The following DLGAP2 variants were observed in gnomAD, a reference collection of about 807,000 sequenced individuals.
The protein encoded by DLGAP2 is DLG associated protein 2, also known as disks large-associated protein 2.
DLGAP2 carries 26 observed loss-of-function variants against 100.3 expected under a neutral mutation model. The observed-to-expected ratio is 0.26, with a 90% CI of 0.19 to 0.36. The LOEUF is 0.36. DLGAP2 is among the 10% of genes least tolerant of loss of function. The pLI is 1.00. For synonymous variants in DLGAP2, 886 were observed against 630.1 expected (o/e 1.41, Z -6.08); for missense variants, 1,858 against 1,453.2 (o/e 1.28, Z -4.53).
intron 3 of DLGAP2, among the ~76,000 whole-genome samples, chr8:1,291,752 C>G (rs1294472362): frequency 1.3e-5 from 2 of 152,108 alleles, no homozygotes; most frequent in Non-Finnish European, 2.9e-5. Flanking sequence ...ACCCCAACAC[C>G]ACACCCAACA....
intron 2 of DLGAP2, among the ~76,000 whole-genome samples, chr8:1,219,809 G>C (rs934313408): frequency 3.3e-5 from 5 of 152,078 alleles, no homozygotes; most frequent in Admixed American, 6.5e-5. Context: ...GTCTGTTCAG[G>C]ATTTCAGTTT....
chr8:1,381,782 A>AGTGTGTGTGTGT (rs72529197), intron 3 of DLGAP2, among the ~76,000 whole-genome samples: 390 of 141,778 alleles, frequency 2.8e-3, no homozygotes, highest in Middle Eastern at 3.4e-3. Context: ...GGGTTATTCT[A>AGTGTGTGTGTGT]GTGTGTGTGT....
chr8:1,039,806 GTGGTCGGCTCGGTGTGCA>G (rs1357811085), intron 2 of DLGAP2, among the ~76,000 whole-genome samples: 42 of 143,970 alleles, frequency 2.9e-4, no homozygotes, highest in Admixed American at 9.6e-4. Context: ...CTCGGTTTCC[GTGGTCGGCTCGGTGTGCA>G]TGGTCGGCTC....
chr8:1,263,177 G>T (rs1799385356), intron 3 of DLGAP2, among the ~76,000 whole-genome samples: 3 of 152,168 alleles, frequency 2.0e-5, no homozygotes, highest in Admixed American at 2.0e-4. Context: ...GAGGCCTCAA[G>T]ATTGGAACTT....
intron 4 of DLGAP2, among the ~76,000 whole-genome samples, chr8:1,515,108 GA>G (rs996437942): frequency 1.3e-5 from 2 of 152,152 alleles, no homozygotes; most frequent in African/African-American, 4.8e-5. Context: ...CCTGAAATGG[GA>G]TGGATGCATC....
intron 3 of DLGAP2, among the ~76,000 whole-genome samples, chr8:1,376,306 G>A (rs894550002): frequency 1.3e-5 from 2 of 152,230 alleles, no homozygotes; most frequent in Admixed American, 6.5e-5. Context: ...TCTCTGTGCC[G>A]TTTCTTCTCA....
chr8:1,124,222 C>G (rs1193026675), intron 2 of DLGAP2, among the ~76,000 whole-genome samples: 1 of 152,186 alleles, frequency 6.6e-6, no homozygotes, highest in African/African-American at 2.4e-5. Flanking sequence ...ATTCTGAAGA[C>G]AGAAACTGAG....
At chr8:1,465,720 A>C (rs1264229841) in intron 3 of DLGAP2, among the ~76,000 whole-genome samples, 1 of 152,236 alleles carries the variant, frequency 6.6e-6, no homozygotes, top group African/African-American at 2.4e-5. Context: ...GACTGGAGAA[A>C]GTCGCTGCGC....
At chr8:1,490,993 G>A (rs1437783004) in intron 3 of DLGAP2, among the ~76,000 whole-genome samples, 2 of 145,230 alleles carry the variant, frequency 1.4e-5, no homozygotes, top group Admixed American at 7.2e-5. Flanking sequence ...CCTGCACATT[G>A]TGCACATGTA....
At chr8:1,080,336 C>T (rs2129039292) in intron 2 of DLGAP2, among the ~76,000 whole-genome samples, 1 of 152,340 alleles carries the variant, frequency 6.6e-6, no homozygotes, top group East Asian at 1.9e-4. Context: ...TCCTCAAGTG[C>T]CTTGTTAATG....
intron 2 of DLGAP2, among the ~76,000 whole-genome samples, chr8:1,204,204 G>A (rs908999167): frequency 3.3e-5 from 5 of 152,338 alleles, no homozygotes; most frequent in African/African-American, 9.6e-5. Flanking sequence ...GAATATCAGC[G>A]GGTTTTTATC....
intron 3 of DLGAP2, among the ~76,000 whole-genome samples, chr8:1,423,065 G>T (rs1291379959): frequency 1.3e-5 from 2 of 152,178 alleles, no homozygotes; most frequent in Non-Finnish European, 2.9e-5. Flanking sequence ...AGGTGAAAAT[G>T]TTCAGACTGC....
chr8:1,592,775 C>G (rs1169159249), intron 6 of DLGAP2, among the ~76,000 whole-genome samples: 2 of 152,132 alleles, frequency 1.3e-5, no homozygotes, highest in African/African-American at 2.4e-5. Flanking sequence ...AATATAAACT[C>G]ATTTCTTTTT....
intron 3 of DLGAP2, among the ~76,000 whole-genome samples, chr8:1,468,203 G>A (rs915450280): frequency 3.9e-5 from 6 of 152,140 alleles, no homozygotes; most frequent in Admixed American, 6.5e-5. Flanking sequence ...GCGTGGATCC[G>A]GGCTGGCCCT....
chr8:1,004,442 A>G (rs1323078610), intron 2 of DLGAP2, among the ~76,000 whole-genome samples: 1 of 152,202 alleles, frequency 6.6e-6, no homozygotes, highest in African/African-American at 2.4e-5. Flanking sequence ...TACTTTTTCA[A>G]ATACACGTCC....
chr8:1,595,672 T>TTAA (rs1258336111), intron 6 of DLGAP2, among the ~76,000 whole-genome samples: 1 of 31,568 alleles, frequency 3.2e-5, no homozygotes, highest in African/African-American at 1.1e-4. Flanking sequence ...AGACTCCGTC[T>TTAA]CAAAAAAAAA....
chr8:1,472,241 G>T (rs1442374613), intron 3 of DLGAP2, among the ~76,000 whole-genome samples: 3 of 152,188 alleles, frequency 2.0e-5, no homozygotes, highest in Non-Finnish European at 4.4e-5. Context: ...GGGGAGGGGG[G>T]TTGAGCCATG....
At chr8:1,479,084 C>T (rs1214047562) in intron 3 of DLGAP2, among the ~76,000 whole-genome samples, 1 of 152,244 alleles carries the variant, frequency 6.6e-6, no homozygotes, top group African/African-American at 2.4e-5. Flanking sequence ...GCACAAAGGC[C>T]TCTGAGGGTG....
intron 12 of DLGAP2, among the ~76,000 whole-genome samples, chr8:1,679,933 T>C (rs1798903860): frequency 7.4e-6 from 1 of 135,748 alleles, no homozygotes; most frequent in South Asian, 2.3e-4. Flanking sequence ...TGAGTCAAGA[T>C]CGTGCCATTG....
Sources: gnomAD v4.1 joint callset for allele counts (sites outside exome capture counted in the v4.1 genomes callset) on GRCh38, gnomAD v4.1.1 for gene constraint, MANE v1.5 for transcripts, NCBI Gene and HGNC (gene_info 2026-07-23, HGNC 2026-07-21) for gene names.